PREX2: variants seen among roughly 807,000 people sequenced by gnomAD.
PREX2 encodes phosphatidylinositol 3,4,5-trisphosphate-dependent Rac exchanger 2 protein.
Under a neutral mutation model 203.2 loss-of-function variants are expected in PREX2, and 107 were observed. The observed-to-expected ratio is 0.53, with a 90% CI of 0.45 to 0.62. PREX2 has a LOEUF of 0.62. Ranked by LOEUF, PREX2 falls within the 20% of genes least tolerant of loss-of-function variation. The pLI, the probability that PREX2 is intolerant of heterozygous loss-of-function variation, is 0.00. For synonymous variants in PREX2, 672 were observed against 663.6 expected, an observed-to-expected ratio of 1.01 and a Z score of -0.19; for missense variants, 1,777 against 1,955.9, an observed-to-expected ratio of 0.91 and a Z score of 1.72.
chr8:68,035,399 A>G (rs773774991), intron 6 of PREX2, among the ~76,000 whole-genome samples: 1 of 152,126 alleles, frequency 6.6e-6, no homozygotes, highest in Non-Finnish European at 1.5e-5. Context: ...GATGCATTGT[A>G]TACGAGTGGG....
intron 4 of PREX2, among the ~76,000 whole-genome samples, chr8:68,025,230 A>T (rs1807684627): frequency 1.3e-5 from 2 of 150,632 alleles, no homozygotes; most frequent in African/African-American, 4.9e-5. Context: ...GAATGTCTTT[A>T]TTTTGCCTTC....
intron 25 of PREX2, among the ~76,000 whole-genome samples, chr8:68,114,638 A>G (rs983062444): frequency 6.6e-6 from 1 of 152,230 alleles, no homozygotes; most frequent in African/African-American, 2.4e-5. Context: ...CACACAGTTC[A>G]GTCTGACTGC....
intron 8 of PREX2, among the ~76,000 whole-genome samples, chr8:68,046,395 C>T (rs1326007334): frequency 6.6e-6 from 1 of 152,034 alleles, no homozygotes; most frequent in Non-Finnish European, 1.5e-5. Flanking sequence ...TCCCGTGTAT[C>T]TGGGCCAGAT....
chr8:68,014,781 A>G (rs958935706), intron 1 of PREX2, among the ~76,000 whole-genome samples: 1 of 152,214 alleles, frequency 6.6e-6, no homozygotes, highest in African/African-American at 2.4e-5. Flanking sequence ...GAATAAACAT[A>G]AAGAATTGTT....
chr8:68,089,872 G>C (rs1158732339), intron 19 of PREX2, among the ~76,000 whole-genome samples: 1 of 151,958 alleles, frequency 6.6e-6, no homozygotes, highest in Non-Finnish European at 1.5e-5. Context: ...TGTTAATATT[G>C]ATTTGATCAC....
Position 68,083,316 on chromosome 8 carries a change from T to C in PREX2, c.1955T>C (p.Val652Ala). ...GTTTTTATGAGACCTTTCAATGAAG[T>C]GGATTGCTTCCTGAAATCGTGTTTA... ...DLVFMRPFNEVDCFLKSCLNS... is the reference protein window; with the variant it reads ...DLVFMRPFNEADCFLKSCLNS... The change falls in exon 18 of 40, where the codon GTG (valine) becomes GCG (alanine). Residue 652 changes from valine to alanine, a missense_variant. Physicochemically the swap from Val to Ala is moderately conservative, Grantham distance 64 (BLOSUM62 0). Coordinates refer to ENST00000288368, the MANE Select transcript of PREX2 (RefSeq NM_024870.4). The C allele has an allele frequency of 6.2e-7, 1 of 1,611,384 alleles. No individual in the cohort carries two copies. The highest frequency in any genetic ancestry group is 8.5e-7 in the Non-Finnish European group (1 of 1,178,038).
At chr8:67,952,706 C>T (rs1805389178) in intron 1 of PREX2, 171 bp downstream of exon 1, 1 of 894,204 alleles carries the variant, frequency 1.1e-6, no homozygotes, top group Non-Finnish European at 1.8e-6. Context: ...CGCGGTGACC[C>T]CCGCGGGGAT....
chr8:68,158,278 C>T (rs1247546046), intron 35 of PREX2, among the ~76,000 whole-genome samples: 1 of 151,618 alleles, frequency 6.6e-6, no homozygotes, highest in East Asian at 1.9e-4. Context: ...TATTTTTGTT[C>T]TATCTTGAGC....
chr8:68,211,220 A>G (rs929334644), intron 37 of PREX2, among the ~76,000 whole-genome samples: 1 of 152,242 alleles, frequency 6.6e-6, no homozygotes, highest in Non-Finnish European at 1.5e-5. Context: ...CAAATGCCCA[A>G]ATTATAGTCA....
intron 39 of PREX2, among the ~76,000 whole-genome samples, chr8:68,229,920 A>G (rs1415683684): frequency 1.3e-5 from 2 of 152,220 alleles, no homozygotes; most frequent in African/African-American, 4.8e-5. Context: ...TTCAGCTGCA[A>G]AAGAACCTTT....
intron 21 of PREX2, 49 bp downstream of exon 21, chr8:68,093,771 T>A (rs1425244752): frequency 1.0e-6 from 1 of 981,570 alleles, no homozygotes; most frequent in East Asian, 2.4e-5. Flanking sequence ...TCTTTTCCAC[T>A]GTGCATGTGC....
chr8:68,219,739 C>T (rs899002189), intron 38 of PREX2, among the ~76,000 whole-genome samples: 1 of 152,158 alleles, frequency 6.6e-6, no homozygotes, highest in East Asian at 1.9e-4. Context: ...AGTCCCCTGT[C>T]GCGGATTCTC....
At chr8:68,184,463 A>G (rs1274059958) in intron 35 of PREX2, among the ~76,000 whole-genome samples, 1 of 152,222 alleles carries the variant, frequency 6.6e-6, no homozygotes, top group African/African-American at 2.4e-5. Context: ...ACACTTGATC[A>G]AATCCAAAAT....
chr8:68,069,716 G>T, intron 12 of PREX2, 119 bp from the exon 13 acceptor site: 1 of 525,534 alleles, frequency 1.9e-6, no homozygotes, highest in Non-Finnish European at 3.4e-6. Context: ...TTTTAAATTG[G>T]TTTAGATTTT....
intron 24 of PREX2, among the ~76,000 whole-genome samples, chr8:68,108,820 G>T (rs1199963141): frequency 6.6e-6 from 1 of 152,016 alleles, no homozygotes; most frequent in Non-Finnish European, 1.5e-5. Flanking sequence ...AATTTAACTG[G>T]ATAAAGAAAA....
rs117963648 is a variant in PREX2, at chr8:68,075,733, T to C, written c.1570-1664T>C. ...AATAAGTATCTTTTGAATGAATGCA[T>C]AAAAATTACAAAACAGCTCGATTTT... On this transcript the variant is annotated intron_variant, in intron 14 of 39. Transcript: ENST00000288368. Among the ~76,000 whole-genome samples the C allele has an allele frequency of 4.8e-3, 735 of 152,338 alleles. 5 individuals are homozygous for C. The highest frequency in any genetic ancestry group is 8.3e-3 in the South Asian group (40 of 4,830).
chr8:68,209,310 A>C (rs1812702264), intron 37 of PREX2, among the ~76,000 whole-genome samples: 1 of 152,188 alleles, frequency 6.6e-6, no homozygotes, highest in Non-Finnish European at 1.5e-5. Context: ...GATTACTAAT[A>C]ACTTGTTTGC....
chr8:67,952,303 T>G lies in PREX2; in HGVS notation c.-92T>G. ...TCGGAGTTGGCGGAGGCGGCAACTT[T>G]CCATTCTCGCCGCCGGGGGCCGGGC... is the stretch of plus-strand genomic sequence containing the variant. On this transcript the variant is annotated 5_prime_UTR_variant, in exon 1 of 40. Coordinates refer to ENST00000288368, the MANE Select transcript of PREX2 (RefSeq NM_024870.4). 1 of 1,172,148 alleles carries G rather than the reference T, an allele frequency of 8.5e-7. No individual in the cohort carries two copies. The highest frequency in any genetic ancestry group is 1.1e-6 in the Non-Finnish European group (1 of 915,540). The allele number at this position is 1,172,148 out of a possible 1,614,324, so 72.6% of individuals were successfully genotyped here.
At chr8:68,062,901 G>C (rs1808900657) in intron 11 of PREX2, among the ~76,000 whole-genome samples, 1 of 151,982 alleles carries the variant, frequency 6.6e-6, no homozygotes, top group Admixed American at 6.6e-5. Context: ...AGCCTCACTT[G>C]TTATTATATA....
Sources: gnomAD v4.1 joint callset for allele counts (sites outside exome capture counted in the v4.1 genomes callset) on GRCh38, gnomAD v4.1.1 for gene constraint, MANE v1.5 for transcripts, NCBI Gene and HGNC (gene_info 2026-07-23, HGNC 2026-07-21) for gene names.